MAP3K14: variants seen among roughly 807,000 people sequenced by gnomAD.
MAP3K14 encodes the protein mitogen-activated protein kinase kinase kinase 14.
A neutral mutation model predicts 99.2 loss-of-function variants in MAP3K14; 16 were observed. The ratio of observed to expected loss-of-function variants is 0.16; its 90% CI spans 0.11 to 0.24. The LOEUF (loss-of-function observed/expected upper bound fraction) is 0.24, where lower values mean the gene tolerates loss of function less well. MAP3K14 is among the 10% of genes least tolerant of loss of function. The pLI is 1.00. For missense variants in MAP3K14, 784 were observed against 1,208.7 expected (o/e 0.65, Z 5.21); for synonymous variants, 462 against 492.4 (o/e 0.94, Z 0.82).
At chr17:45,268,585 T>A (rs1412296210) in intron 11 of MAP3K14, 2 of 152,006 alleles carry the variant, frequency 1.3e-5, no homozygotes, top group East Asian at 3.9e-4. Context: ...AAACAGGCAT[T>A]ATGTTCTGGG....
rs763722669 is a variant in MAP3K14 at position 45,267,378 on chromosome 17, G to GCC, written c.2326+26_2326+27dup. On this transcript the variant is annotated intron_variant, in intron 12 of 15. Coordinates refer to ENST00000344686, the MANE Select transcript of MAP3K14 (RefSeq NM_003954.5). The surrounding 1 kb of genome is among the most constrained non-coding windows in gnomAD (Gnocchi z 5.1). ...GGGTGGCCCAGGGCCAGTGCTCAGG[G>GCC]CCCCACTGCAGCCACGGCTGCCCGT... 6.4e-7 allele frequency: 1 copy of GCC among 1,554,760 alleles called. No individual in the cohort carries two copies. The highest frequency in any genetic ancestry group is 1.4e-5 in the African/African-American group (1 of 73,110).
Position 45,287,001 on chromosome 17 carries a change from C to T in MAP3K14, c.582G>A (p.Pro194=), listed in dbSNP as rs377307410. ...PLGAPYVRNT[P]QFTKPLKEPG... ...GTTCCTTCAGAGGCTTGGTGAACTG[C>T]GGGGTGTTTCTAACATATGGGGCGC... is the stretch of plus-strand genomic sequence containing the variant. Residue 194 remains proline (P), a synonymous_variant, in exon 5 of 16, where the codon CCG becomes CCA. Coordinates refer to ENST00000344686, the MANE Select transcript of MAP3K14 (RefSeq NM_003954.5). 3.5e-5 allele frequency: 57 copies of T among 1,613,714 alleles called. No homozygotes were observed. Among genetic ancestry groups the T allele is most frequent in the Non-Finnish European group, 4.0e-5 (47 of 1,179,776 alleles).
chr17:45,287,219 C>T lies in MAP3K14; in HGVS notation c.472G>A (p.Gly158Arg), dbSNP rs748477158. ...KKSSKSLAHA[G>R]VALAKPLPRT... ...GGGAGGGGTTTGGCCAAGGCCACTC[C>T]TGCATGAGCCAGGGACTTTGAGCTC... Residue 158 changes from glycine (G) to arginine (R), a missense_variant, in exon 4 of 16, where the codon GGA (glycine) becomes AGA (arginine). Transcript: ENST00000344686. The T allele has an allele frequency of 3.7e-6, 6 of 1,613,870 alleles. No individual in the cohort carries two copies. The African/African-American group carries it at 8.0e-5, about 22-fold the overall frequency.
Position 45,267,358 on chromosome 17 carries a change from G to T in MAP3K14, c.2326+48C>A. The T allele has an allele frequency of 6.5e-7, 1 of 1,529,860 alleles. No homozygotes were observed. Among genetic ancestry groups the T allele is most frequent in the Non-Finnish European group, 8.8e-7 (1 of 1,131,240 alleles). 94.8% of individuals were successfully genotyped at this position (1,529,860 alleles called of 1,614,324 possible). On this transcript the variant is annotated intron_variant, in intron 12 of 15. Transcript: ENST00000344686. This position sits in a 1 kb window ranked among gnomAD's most constrained non-coding sequence, Gnocchi z 5.1. The stretch of plus-strand genomic sequence containing the variant: ...AGAGAAACACCGGCCTCCGCGGGTG[G>T]CCCAGGGCCAGTGCTCAGGGCCCCA...
chr17:45,311,341 GA>G (rs2044477006), intron 1 of MAP3K14, among the ~76,000 whole-genome samples: 1 of 152,218 alleles, frequency 6.6e-6, no homozygotes, highest in African/African-American at 2.4e-5. Flanking sequence ...CAGAGACAGG[GA>G]ACGAGATTAT....
At chr17:45,309,712 G>A (rs1294741780) in intron 1 of MAP3K14, among the ~76,000 whole-genome samples, 1 of 152,184 alleles carries the variant, frequency 6.6e-6, no homozygotes, top group Non-Finnish European at 1.5e-5. Flanking sequence ...CAGCAAGCAG[G>A]TGTCCTGAAA....
chr17:45,285,271 C>T (rs2044254488), intron 5 of MAP3K14, among the ~76,000 whole-genome samples: 1 of 151,906 alleles, frequency 6.6e-6, no homozygotes, highest in African/African-American at 2.4e-5. Context: ...AACTCAGGAG[C>T]TAGAAGGTGG....
chr17:45,291,625 C>T (rs751980578), intron 1 of MAP3K14, among the ~76,000 whole-genome samples: 2 of 152,166 alleles, frequency 1.3e-5, no homozygotes, highest in Non-Finnish European at 2.9e-5. Context: ...CCAGAGTTGC[C>T]AACAATCTGT....
At chr17:45,287,494 G>T in intron 3 of MAP3K14, 130 bp from the exon 4 acceptor site, 1 of 706,514 alleles carries the variant, frequency 1.4e-6, no homozygotes, top group Non-Finnish European at 2.3e-6. Flanking sequence ...GTGTGAATGC[G>T]GCAAGGTTTC....
intron 1 of MAP3K14, among the ~76,000 whole-genome samples, chr17:45,311,167 C>T (rs935854139): frequency 1.6e-4 from 25 of 152,184 alleles, no homozygotes; most frequent in African/African-American, 5.6e-4. Flanking sequence ...TTCTCTTCTG[C>T]ATTTTCTCAC....
At chr17:45,305,254 G>A (rs1396504117) in intron 1 of MAP3K14, among the ~76,000 whole-genome samples, 2 of 151,698 alleles carry the variant, frequency 1.3e-5, no homozygotes, top group African/African-American at 4.8e-5. Flanking sequence ...CCGCCACCAC[G>A]CTCAGCTAAT....
chr17:45,271,100 G>A lies in MAP3K14; in HGVS notation c.1779C>T (p.Cys593=). 1 of 1,612,752 alleles carries A rather than the reference G, an allele frequency of 6.2e-7. No homozygotes were observed. The change falls in exon 10 of 16, where the codon TGC becomes TGT. Residue 593 remains cysteine, a synonymous_variant. Transcript: ENST00000344686. ...CTCGGAAGAACTGAGTCCAGGGGTGGCAGCCGTTGAGCATGTGCAGCATCA... is the reference window on the plus strand; with the variant it reads ...CTCGGAAGAACTGAGTCCAGGGGTGACAGCCGTTGAGCATGTGCAGCATCA... ...CCMMLHMLNG[C]HPWTQFFRGP...
intron 1 of MAP3K14, among the ~76,000 whole-genome samples, chr17:45,291,404 A>C (rs548669660): frequency 6.6e-6 from 1 of 152,344 alleles, no homozygotes; most frequent in Admixed American, 6.5e-5. Context: ...GCTCTCCAGA[A>C]GGAACTAACA....
Position 45,286,344 on chromosome 17 carries a change from C to T in MAP3K14, c.1152+87G>A. On this transcript the variant is annotated intron_variant, in intron 5 of 15. Coordinates refer to ENST00000344686, the MANE Select transcript of MAP3K14 (RefSeq NM_003954.5). This position sits in a 1 kb window ranked among gnomAD's most constrained non-coding sequence, Gnocchi z 4.1. ...TGTCCTACTGTTTGATTTGTCACCA[C>T]AGGCAAGAGTGACTCTGATAAAGAG... The T allele has an allele frequency of 1.4e-6, 2 of 1,424,990 alleles. No homozygotes were observed. Among genetic ancestry groups the T allele is most frequent in the East Asian group, 2.5e-5 (1 of 40,354 alleles). 88.3% of individuals were successfully genotyped at this position (1,424,990 alleles called of 1,614,324 possible). A position where few individuals can be genotyped will look rare whatever the true frequency, so the allele number is the denominator to read the frequency against.
intron 1 of MAP3K14, among the ~76,000 whole-genome samples, chr17:45,296,914 G>C (rs747519275): frequency 7.2e-5 from 11 of 152,160 alleles, no homozygotes; most frequent in Non-Finnish European, 1.3e-4. Context: ...AACATTCAAT[G>C]AGTGTCTCCC....
In MAP3K14 at chr17:45,290,374, G is replaced by A. The variant is rs1472946095; in HGVS notation, c.256+116C>T. The A allele has an allele frequency of 4.6e-6, 6 of 1,292,638 alleles. No homozygotes were observed. The East Asian group carries it at 1.2e-4, about 27-fold the overall frequency. The allele number at this position is 1,292,638 out of a possible 1,614,324, so 80.1% of individuals were successfully genotyped here. A position where few individuals can be genotyped will look rare whatever the true frequency, so the allele number is the denominator to read the frequency against. ...ACAGACCTCTGGTTGTGTCTCATGA[G>A]AATCTTATCTAGCAGTGACACAGAC... On this transcript the variant is annotated intron_variant, in intron 2 of 15. Coordinates refer to ENST00000344686, the MANE Select transcript of MAP3K14 (RefSeq NM_003954.5).
At chr17:45,264,850 C>A in intron 15 of MAP3K14, 50 bp from the exon 16 acceptor site, 1 of 1,583,956 alleles carries the variant, frequency 6.3e-7, no homozygotes, top group Non-Finnish European at 8.6e-7. Context: ...AGGGCTCAAG[C>A]CATGTAGAAA....
chr17:45,279,494 A>G (rs2044204310), intron 6 of MAP3K14, among the ~76,000 whole-genome samples: 1 of 145,234 alleles, frequency 6.9e-6, no homozygotes, highest in East Asian at 2.1e-4. Flanking sequence ...GTGCAGTGGC[A>G]TGATCTTGGC....
intron 3 of MAP3K14, 37 bp from the exon 4 acceptor site, chr17:45,287,401 A>G (rs760163270): frequency 1.3e-6 from 2 of 1,574,948 alleles, no homozygotes; most frequent in East Asian, 4.5e-5. Context: ...ATTGAGCACG[A>G]GGAAGCAGGA....
Sources: allele counts gnomAD v4.1 joint callset (sites outside exome capture counted in the v4.1 genomes callset), GRCh38; gene constraint gnomAD v4.1.1; non-coding constraint Gnocchi (gnomAD v3.1); transcripts MANE v1.5; gene names NCBI Gene and HGNC (gene_info 2026-07-23, HGNC 2026-07-21).